Variants in DMD observed in about 807,000 individuals in gnomAD.
The protein encoded by DMD is mutant dystrophin.
In DMD, 63 loss-of-function variants were observed where a neutral mutation model predicts 330.1. The ratio of observed to expected loss-of-function variants is 0.19; its 90% CI spans 0.16 to 0.24. DMD has a LOEUF of 0.24. DMD is among the 10% of genes least tolerant of loss of function. DMD has a pLI of 1.00. For synonymous variants in DMD, 1,223 were observed against 959.8 expected, an observed-to-expected ratio of 1.27 and a Z score of -5.07; for missense variants, 3,344 against 2,684.1, an observed-to-expected ratio of 1.25 and a Z score of -5.43.
At chrX:31,779,113 T>A (rs1385832639) in intron 50 of DMD, among the ~76,000 whole-genome samples, 2 of 111,863 alleles carry the variant, frequency 1.8e-5, no homozygotes, top group Admixed American at 9.5e-5. Context: ...CAAGGATATT[T>A]CCTGTTAAGT....
intron 7 of DMD, among the ~76,000 whole-genome samples, chrX:32,741,121 G>A (rs1274787853): frequency 9.0e-6 from 1 of 111,645 alleles, no homozygotes; most frequent in African/African-American, 3.3e-5. Flanking sequence ...CAATGTCATA[G>A]TGTAATAGAA....
intron 62 of DMD, among the ~76,000 whole-genome samples, chrX:31,301,325 G>GT (rs920582279): frequency 3.6e-5 from 4 of 111,451 alleles, no homozygotes; most frequent in Admixed American, 1.9e-4. Flanking sequence ...AGAACTACCC[G>GT]TGACTGGGTA....
intron 56 of DMD, among the ~76,000 whole-genome samples, chrX:31,506,586 G>A (rs1476809095): frequency 1.8e-5 from 2 of 112,162 alleles, no homozygotes; most frequent in Non-Finnish European, 3.8e-5. Context: ...TTGCAAAACT[G>A]GTATAACAAG....
At chrX:33,036,035 G>A (rs1282737451) in intron 1 of DMD, among the ~76,000 whole-genome samples, 1 of 111,693 alleles carries the variant, frequency 9.0e-6, no homozygotes, top group African/African-American at 3.3e-5. Flanking sequence ...ATTAAAAGTA[G>A]TCTTTCATTG....
intron 1 of DMD, among the ~76,000 whole-genome samples, chrX:33,074,876 G>T (rs1248264739): frequency 8.9e-6 from 1 of 111,994 alleles, no homozygotes; most frequent in African/African-American, 3.2e-5. Context: ...TAGCCTTCAA[G>T]CTGCTCTTAA....
At chrX:32,664,035 G>C (rs908992188) in intron 9 of DMD, among the ~76,000 whole-genome samples, 3 of 111,385 alleles carry the variant, frequency 2.7e-5, no homozygotes, top group African/African-American at 9.8e-5. Flanking sequence ...GTTTTCAGCA[G>C]AAGAGTGATG....
chrX:31,973,147 A>C (rs2095411768), intron 44 of DMD, among the ~76,000 whole-genome samples: 1 of 110,720 alleles, frequency 9.0e-6, no homozygotes, highest in Non-Finnish European at 1.9e-5. Context: ...CATTCAACTT[A>C]GCCTGTCCAT....
intron 44 of DMD, among the ~76,000 whole-genome samples, chrX:32,044,934 G>A (rs1248452010): frequency 1.8e-5 from 2 of 111,705 alleles, no homozygotes; most frequent in Non-Finnish European, 3.8e-5. Flanking sequence ...GATATAGTTT[G>A]GATATTTGCC....
rs951735258 is a variant in DMD at position 32,077,383 on chromosome X, T to A, written c.6439-108869A>T. ...AAGAAAACATCCTATAATTGTTATC[T>A]TATTAATCTCAGAAAATTTCATAAT... is the stretch of plus-strand genomic sequence containing the variant. On this transcript the variant is annotated intron_variant, in intron 44 of 78. Transcript: ENST00000357033. Among the ~76,000 whole-genome samples, 4 of 111,760 alleles carry A rather than the reference T, an allele frequency of 3.6e-5. No homozygotes were observed. In the East Asian group the frequency reaches 8.4e-4, roughly 24 times the overall value.
At chrX:31,930,954 T>G (rs780994449) in intron 46 of DMD, among the ~76,000 whole-genome samples, 1 of 112,441 alleles carries the variant, frequency 8.9e-6, no homozygotes, top group Non-Finnish European at 1.9e-5. Context: ...ATCGGATGTA[T>G]AGTCAGTGCT....
At position 31,313,833 on chromosome X, in the gene DMD, T is replaced by C. The variant is rs376243261; in HGVS notation, c.9224+9765A>G. Reference sequence around the variant, plus strand: ...TCTTCCTTTTTTTTTTTTTTAACTTTTATTTATTTATTTATTTTGAGATGG... The same window carrying C: ...TCTTCCTTTTTTTTTTTTTTAACTTCTATTTATTTATTTATTTTGAGATGG... On this transcript the variant is annotated intron_variant, in intron 62 of 78. Coordinates refer to ENST00000357033, the MANE Select transcript of DMD (RefSeq NM_004006.3). Among the ~76,000 whole-genome samples the C allele has an allele frequency of 6.7e-3, 734 of 109,054 alleles. 3 individuals carry two copies. The highest frequency in any genetic ancestry group is 8.2e-3 in the Non-Finnish European group (429 of 52,409). The allele number at this position is 109,054 out of a possible 115,157, so 94.7% of individuals were successfully genotyped here.
intron 7 of DMD, among the ~76,000 whole-genome samples, chrX:32,730,545 G>A (rs1017315626): frequency 5.1e-4 from 57 of 111,847 alleles, no homozygotes; most frequent in African/African-American, 1.8e-3. Flanking sequence ...TAGGAATGAC[G>A]TTGAATCACA....
rs1232279975 is a variant in DMD, at chrX:32,448,599, T to G, written c.3643A>C (p.Lys1215Gln). The G allele has an allele frequency of 8.3e-7, 1 of 1,208,238 alleles. No homozygotes were observed. The highest frequency in any genetic ancestry group is 2.2e-5 in the Admixed American group (1 of 45,843). Residue 1215 changes from lysine (K) to glutamine (Q), a missense_variant, in exon 27 of 79, where the codon AAA becomes CAA. Lys to Gln is a moderately conservative substitution (Grantham distance 53). Coordinates refer to ENST00000357033, the MANE Select transcript of DMD (RefSeq NM_004006.3). ...CTATTTACAGACTCAGTAAGGAGTT[T>G]CACTTTCGCTTCTTTTTGTTGGGCC... Reference protein sequence around the residue: ...EEAQQKEAKVKLLTESVNSVI... With the variant: ...EEAQQKEAKVQLLTESVNSVI...
intron 44 of DMD, among the ~76,000 whole-genome samples, chrX:32,075,971 C>A (rs950224393): frequency 4.2e-5 from 4 of 95,398 alleles, no homozygotes; most frequent in Non-Finnish European, 8.0e-5. Context: ...TCATTTGAGC[C>A]CACGATGGGG....
intron 17 of DMD, among the ~76,000 whole-genome samples, chrX:32,520,844 CTTTTTTTTT>C (rs746203243): frequency 2.3e-5 from 2 of 87,956 alleles, no homozygotes; most frequent in African/African-American, 8.6e-5. Context: ...TCCTGCCATA[CTTTTTTTTT>C]TTTTTTTTTT....
chrX:32,614,991 TGCTGTAAAGGAGGCCAGGCTACACTACC>T (rs2057450444), intron 11 of DMD, among the ~76,000 whole-genome samples: 1 of 111,004 alleles, frequency 9.0e-6, no homozygotes, highest in African/African-American at 3.3e-5. Context: ...CTAGATTCCA[TGCTGTAAAGGAGGCCAGGCTACACTACC>T]GAATCATTAG....
intron 2 of DMD, among the ~76,000 whole-genome samples, chrX:32,992,334 T>C (rs1205992190): frequency 8.9e-6 from 1 of 111,829 alleles, no homozygotes; most frequent in Non-Finnish European, 1.9e-5. Context: ...ATAAAAGAAG[T>C]GCTAGTACAT....
chrX:32,265,197 G>A (rs995304138), intron 43 of DMD, among the ~76,000 whole-genome samples: 1 of 111,793 alleles, frequency 8.9e-6, no homozygotes, highest in Non-Finnish European at 1.9e-5. Context: ...GTGCAGCCTA[G>A]GGACTAGGTG....
At chrX:32,286,252 G>A (rs996014287) in intron 43 of DMD, among the ~76,000 whole-genome samples, 2 of 111,290 alleles carry the variant, frequency 1.8e-5, no homozygotes, top group Admixed American at 1.9e-4. Flanking sequence ...TATTCTACAC[G>A]GTAGCCACCA....
Sources: gnomAD v4.1 joint callset for allele counts (sites outside exome capture counted in the v4.1 genomes callset) on GRCh38, gnomAD v4.1.1 for gene constraint, MANE v1.5 for transcripts, NCBI Gene and HGNC (gene_info 2026-07-23, HGNC 2026-07-21) for gene names.